The following ODAD2 variants were observed in gnomAD, a reference collection of about 807,000 sequenced individuals.
The protein encoded by ODAD2 is outer dynein arm docking complex subunit 2, also known as outer dynein arm-docking complex subunit 2.
Under a neutral mutation model 106.8 loss-of-function variants are expected in ODAD2, and 89 were observed. The ratio of observed to expected loss-of-function variants is 0.83; its 90% confidence interval spans 0.70 to 0.99. The LOEUF is 0.99. Among genes scored for constraint, ODAD2 ranks in the 50% least tolerant of loss-of-function variants. The probability of loss-of-function intolerance (pLI) is 0.00; values close to 1 mark genes in which losing one functional copy is unlikely to be tolerated. For missense variants in ODAD2, 1,168 were observed against 1,238.5 expected (o/e 0.94, Z 0.85); for synonymous variants, 404 against 436.2 (o/e 0.93, Z 0.92).
intron 19 of ODAD2, among the ~76,000 whole-genome samples, chr10:27,823,712 G>T (rs1836793610): frequency 6.6e-6 from 1 of 152,154 alleles, no homozygotes; most frequent in East Asian, 1.9e-4. Context: ...TACAGTTCCT[G>T]TTGGACTGAT....
chr10:27,947,468 A>T (rs1275056284), intron 10 of ODAD2, among the ~76,000 whole-genome samples: 1 of 152,160 alleles, frequency 6.6e-6, no homozygotes, highest in Non-Finnish European at 1.5e-5. Context: ...CTGTCTCTAA[A>T]ATAATAATAA....
chr10:27,882,173 A>AAAAGAAAGAAAGAAAG (rs377482668), intron 17 of ODAD2, among the ~76,000 whole-genome samples: 3,994 of 109,654 alleles, frequency 0.036, 133 homozygotes, highest in East Asian at 0.06. Flanking sequence ...GTCATAAAAA[A>AAAAGAAAGAAAGAAAG]AAAGAAAGAA....
intron 10 of ODAD2, among the ~76,000 whole-genome samples, chr10:27,949,934 C>T (rs1247852138): frequency 1.3e-5 from 2 of 152,070 alleles, no homozygotes; most frequent in African/African-American, 4.8e-5. Context: ...CTCTGTTGGG[C>T]AACACGCTTG....
intron 17 of ODAD2, among the ~76,000 whole-genome samples, chr10:27,880,681 G>A (rs1205838035): frequency 6.6e-6 from 1 of 152,124 alleles, no homozygotes; most frequent in Non-Finnish European, 1.5e-5. Flanking sequence ...GCCATGTGAG[G>A]ACACAGCAAC....
intron 16 of ODAD2, among the ~76,000 whole-genome samples, chr10:27,914,561 G>A (rs554610103): frequency 6.6e-6 from 1 of 152,058 alleles, no homozygotes; most frequent in East Asian, 1.9e-4. Flanking sequence ...CTCAATTACA[G>A]TTTCTCCATA....
chr10:27,998,498 A>G lies in ODAD2; in HGVS notation c.-39+496T>C, dbSNP rs113207168. 2.7e-3 allele frequency among the ~76,000 whole-genome samples: 404 copies of G among 152,096 alleles called. 4 individuals carry two copies. Among genetic ancestry groups the G allele is most frequent in the African/African-American group, 9.3e-3 (386 of 41,516 alleles). Reference sequence around the variant, plus strand: ...GGGCTGGGGGAAGGAGAGGCAGGGAAGCGGCGGGAGAAGTGGAGAGCGGAT... The same window carrying G: ...GGGCTGGGGGAAGGAGAGGCAGGGAGGCGGCGGGAGAAGTGGAGAGCGGAT... On this transcript the variant is annotated intron_variant, in intron 1 of 19. Coordinates refer to ENST00000305242, the MANE Select transcript of ODAD2 (RefSeq NM_018076.5).
chr10:27,976,969 T>C (rs1849229108), intron 7 of ODAD2, among the ~76,000 whole-genome samples: 1 of 152,138 alleles, frequency 6.6e-6, no homozygotes, highest in Admixed American at 6.5e-5. Flanking sequence ...GACAAAGTTA[T>C]AAAGGTAATT....
At chr10:27,864,987 T>C (rs751158162) in intron 17 of ODAD2, among the ~76,000 whole-genome samples, 2 of 152,180 alleles carry the variant, frequency 1.3e-5, no homozygotes, top group African/African-American at 2.4e-5. Flanking sequence ...GTAGGCACCA[T>C]GTGTTACTCA....
chr10:27,913,789 T>C (rs1844174824), intron 16 of ODAD2, among the ~76,000 whole-genome samples: 1 of 152,086 alleles, frequency 6.6e-6, no homozygotes, highest in African/African-American at 2.4e-5. Context: ...GAAGATACTA[T>C]CTCACATGAG....
chr10:27,991,165 C>T (rs1382722625), intron 2 of ODAD2, among the ~76,000 whole-genome samples: 1 of 152,174 alleles, frequency 6.6e-6, no homozygotes, highest in East Asian at 1.9e-4. Flanking sequence ...CTATTAATTT[C>T]ATCCTGTCTG....
intron 3 of ODAD2, among the ~76,000 whole-genome samples, chr10:27,986,311 G>C (rs1849871322): frequency 6.6e-6 from 1 of 152,130 alleles, no homozygotes; most frequent in Non-Finnish European, 1.5e-5. Context: ...ATGCAACTTG[G>C]ACCTGAAACT....
At chr10:27,856,881 C>T (rs982340604) in intron 19 of ODAD2, among the ~76,000 whole-genome samples, 1 of 151,998 alleles carries the variant, frequency 6.6e-6, no homozygotes, top group Non-Finnish European at 1.5e-5. Flanking sequence ...GCAGGAGAAT[C>T]GCTCGAACCC....
chr10:27,815,247 CT>C (rs1486329812), intron 19 of ODAD2, among the ~76,000 whole-genome samples: 1 of 152,210 alleles, frequency 6.6e-6, no homozygotes, highest in Non-Finnish European at 1.5e-5. Flanking sequence ...CAAATACTCC[CT>C]GTTTCTCTTC....
At chr10:27,842,671 C>T (rs949015647) in intron 19 of ODAD2, among the ~76,000 whole-genome samples, 22 of 152,192 alleles carry the variant, frequency 1.4e-4, no homozygotes, top group African/African-American at 5.3e-4. Flanking sequence ...AAATAATTCC[C>T]CACAGTAAAA....
chr10:27,845,889 T>A (rs1279627410), intron 19 of ODAD2, among the ~76,000 whole-genome samples: 1 of 152,172 alleles, frequency 6.6e-6, no homozygotes, highest in Non-Finnish European at 1.5e-5. Context: ...TAAATATATA[T>A]GCACCCAATA....
intron 16 of ODAD2, among the ~76,000 whole-genome samples, chr10:27,916,200 A>G (rs1844364829): frequency 6.6e-6 from 1 of 152,088 alleles, no homozygotes. Context: ...GCATGACAGG[A>G]GATCAAAAGC....
chr10:27,994,385 T>A (rs1850421823), intron 2 of ODAD2, among the ~76,000 whole-genome samples: 1 of 152,116 alleles, frequency 6.6e-6, no homozygotes, highest in African/African-American at 2.4e-5. Context: ...GCTCCTGGCA[T>A]CTGGCAGGTA....
In ODAD2 at chr10:27,966,211, C is replaced by G. The variant is rs536802653; in HGVS notation, c.1238+2712G>C. 1.6e-4 allele frequency among the ~76,000 whole-genome samples: 25 copies of G among 152,280 alleles called. No homozygotes were observed. The South Asian group carries it at 2.7e-3, about 16-fold the overall frequency. On this transcript the variant is annotated intron_variant, in intron 9 of 19. Coordinates refer to ENST00000305242, the MANE Select transcript of ODAD2 (RefSeq NM_018076.5). ...CTCTGGACCCTGGAAGAGGGAAAGC[C>G]TGAATTCAAGCATCTGTTCCCATTT...
rs757844319 is a variant in ODAD2 at position 27,849,651 on chromosome 10, T to TAAAG, written c.3021+10970_3021+10973dup. The stretch of plus-strand genomic sequence containing the variant: ...AAAAAGAGAGGGAAAAAAGTGGCTT[T>TAAAG]AAAGAGTCATCCTCTAGTATAAAAT... On this transcript the variant is annotated intron_variant, in intron 19 of 19. Coordinates refer to ENST00000305242, the MANE Select transcript of ODAD2 (RefSeq NM_018076.5). Among the ~76,000 whole-genome samples the TAAAG allele has an allele frequency of 2.8e-4, 43 of 152,114 alleles. 1 individual carries two copies. The highest frequency in any genetic ancestry group is 3.3e-4 in the Admixed American group (5 of 15,266).
Sources: gnomAD v4.1 joint callset for allele counts (sites outside exome capture counted in the v4.1 genomes callset) on GRCh38, gnomAD v4.1.1 for gene constraint, MANE v1.5 for transcripts, NCBI Gene and HGNC (gene_info 2026-07-23, HGNC 2026-07-21) for gene names.